UBR4: variants seen among roughly 807,000 people sequenced by gnomAD.
UBR4 encodes the protein E3 ubiquitin-protein ligase UBR4.
Under a neutral mutation model 575.6 loss-of-function variants are expected in UBR4, and 124 were observed. That is an observed-to-expected ratio of 0.22 (90% CI 0.19 to 0.25). UBR4 has a LOEUF of 0.25. UBR4 is among the 10% of genes least tolerant of loss of function. UBR4 has a pLI of 1.00. For synonymous variants in UBR4, 2,455 were observed against 2,473.7 expected (o/e 0.99, Z 0.22); for missense variants, 4,818 against 6,478.8 (o/e 0.74, Z 8.80).
rs112350725 is a variant in UBR4 at position 19,113,887 on chromosome 1, C to T, written c.11328+58G>A. ...ACCTAAGGTGATCTCACCTAGGAGG[C>T]AGTCTTCTGATCAAGACCCAAGCCC... On this transcript the variant is annotated intron_variant, in intron 76 of 105. Transcript: ENST00000375254. 16 of 1,614,172 alleles carry T rather than the reference C, an allele frequency of 9.9e-6. No homozygotes were observed. The African/African-American group carries it at 1.1e-4, about 11-fold the overall frequency.
Position 19,127,713 on chromosome 1 carries a change from G to T in UBR4, c.9138C>A (p.Ser3046Arg), listed in dbSNP as rs752560964. ...KKDVSKKNER[S>R]ALNEVHLVVM... is the part of the protein sequence containing the mutation. ...CTACCAGATGGACTTCATTCAGGGC[G>T]CTGCGCTCATTCTTCTTGGAGACAT... The change falls in exon 63 of 106, where the codon AGC (serine) becomes AGA (arginine). Residue 3046 changes from serine (S) to arginine (R), a missense_variant. Ser to Arg is a moderately radical substitution (Grantham distance 110). Transcript: ENST00000375254. 3 of 1,614,078 alleles carry T rather than the reference G, an allele frequency of 1.9e-6. No individual in the cohort carries two copies. Among genetic ancestry groups the T allele is most frequent in the Non-Finnish European group, 2.5e-6 (3 of 1,179,978 alleles).
rs565283981 is a variant in UBR4, at chr1:19,186,711, G to C, written c.1633-54C>G. The C allele has an allele frequency of 9.1e-6, 14 of 1,534,738 alleles. No individual in the cohort carries two copies. The African/African-American group carries it at 1.5e-4, about 17-fold the overall frequency. On this transcript the variant is annotated intron_variant, in intron 13 of 105. Transcript: ENST00000375254. ...GCCATCCTATTTAATCTCATGCATC[G>C]CATGAAAACTTTCTCCATAATCTCT... is the stretch of plus-strand genomic sequence containing the variant.
intron 94 of UBR4, 133 bp from the exon 95 acceptor site, chr1:19,094,272 C>T (rs2148899418): frequency 1.6e-6 from 1 of 619,446 alleles, no homozygotes; most frequent in East Asian, 2.8e-5. Flanking sequence ...TGTCTCGGCA[C>T]TTCTTGGGGA....
intron 65 of UBR4, among the ~76,000 whole-genome samples, chr1:19,123,854 T>C (rs1028670154): frequency 6.6e-6 from 1 of 152,212 alleles, no homozygotes; most frequent in Non-Finnish European, 1.5e-5. Context: ...AAAGCCATTG[T>C]CTCTCAGTTC....
At position 19,177,761 on chromosome 1, in the gene UBR4, T is replaced by C. The variant is rs1168453249; in HGVS notation, c.2355-18A>G. ...ACAAAAACCTACCAGAGAGAAAAGA[T>C]GACTATATCTGGTGGGAAAAAGAGC... On this transcript the variant is annotated intron_variant, in intron 18 of 105. Coordinates refer to ENST00000375254, the MANE Select transcript of UBR4 (RefSeq NM_020765.3). 1 of 1,606,078 alleles carries C rather than the reference T, an allele frequency of 6.2e-7. No homozygotes were observed. The highest frequency in any genetic ancestry group is 1.3e-5 in the African/African-American group (1 of 74,374).
Position 19,112,562 on chromosome 1 carries a change from C to A in UBR4, c.11763G>T (p.Met3921Ile). Reference protein sequence around the residue: ...DYNLRRGAAAMREEVRQLMCL... With the variant: ...DYNLRRGAAAIREEVRQLMCL... ...ACATGAGCTGGCGGACCTCCTCCCG[C>A]ATGGCCGCAGCCCCTCGGCGAAGAT... Residue 3921 changes from methionine to isoleucine, a missense_variant, in exon 78 of 106, where the codon ATG becomes ATT. By Grantham distance (10) the Met-to-Ile change is conservative. This residue lies in a region of UBR4 where 333 missense variants were observed against 459.2 expected (regional missense o/e 0.73). Transcript: ENST00000375254. The A allele has an allele frequency of 3.1e-6, 5 of 1,613,860 alleles. No individual in the cohort carries two copies. Among genetic ancestry groups the A allele is most frequent in the Non-Finnish European group, 4.2e-6 (5 of 1,179,822 alleles).
intron 93 of UBR4, 96 bp downstream of exon 93, chr1:19,095,449 C>A (rs2077938984): frequency 1.1e-5 from 13 of 1,165,580 alleles, no homozygotes; most frequent in Non-Finnish European, 1.5e-5. Context: ...CTTGAAGAAG[C>A]CGTGAGTCCA....
At chr1:19,177,793 C>A (rs1184473719) in intron 18 of UBR4, 50 bp from the exon 19 acceptor site, 10 of 1,578,438 alleles carry the variant, frequency 6.3e-6, no homozygotes, top group African/African-American at 4.1e-5. Flanking sequence ...GAGCATTCCC[C>A]AGGAGTTATA....
chr1:19,093,001 AC>A lies in UBR4; in HGVS notation c.14112-84del. 1 of 1,265,200 alleles carries A rather than the reference AC, an allele frequency of 7.9e-7. No individual in the cohort carries two copies. The highest frequency in any genetic ancestry group is 1.1e-6 in the Non-Finnish European group (1 of 889,476). The allele number at this position is 1,265,200 out of a possible 1,614,324, so 78.4% of individuals were successfully genotyped here. On this transcript the variant is annotated intron_variant, in intron 96 of 105. Coordinates refer to ENST00000375254, the MANE Select transcript of UBR4 (RefSeq NM_020765.3). The surrounding 1 kb of genome is among the most constrained non-coding windows in gnomAD (Gnocchi z 4.8). ...CAGTTGTTGACTCTGGCTTGTTTAA[AC>A]CCCCAGGGCATGATTAACCGTGACC...
rs1375752685 is a variant in UBR4 at position 19,140,775 on chromosome 1, T to C, written c.8593+13A>G. 3.7e-6 allele frequency: 6 copies of C among 1,611,278 alleles called. No individual in the cohort carries two copies. Among genetic ancestry groups the C allele is most frequent in the Non-Finnish European group, 5.1e-6 (6 of 1,179,334 alleles). On this transcript the variant is annotated intron_variant, in intron 58 of 105. Coordinates refer to ENST00000375254, the MANE Select transcript of UBR4 (RefSeq NM_020765.3). ...TGGGGCCCTGAGCCGTGCTCCTTGCTGTGGACAGTTACCTGATGCTGTGGT... is the reference window on the plus strand; with the variant it reads ...TGGGGCCCTGAGCCGTGCTCCTTGCCGTGGACAGTTACCTGATGCTGTGGT...
chr1:19,207,701 A>G (rs922335657), intron 1 of UBR4, among the ~76,000 whole-genome samples: 2 of 152,224 alleles, frequency 1.3e-5, no homozygotes, highest in Admixed American at 6.5e-5. Flanking sequence ...GTGTGCTCCA[A>G]GCTAGGGGTT....
rs781409592 is a variant in UBR4, at chr1:19,106,815, C to T, written c.12235+22G>A. The T allele has an allele frequency of 5.6e-6, 9 of 1,608,498 alleles. 1 individual carries two copies. Among genetic ancestry groups the T allele is most frequent in the African/African-American group, 1.3e-5 (1 of 74,814 alleles). On this transcript the variant is annotated intron_variant, in intron 82 of 105. Coordinates refer to ENST00000375254, the MANE Select transcript of UBR4 (RefSeq NM_020765.3). Reference sequence around the variant, plus strand: ...TCAGAGCGCAGGCAGGACTTCCCGGCGTCTTGAAGAGAAAGATATACCTCT... The same window carrying T: ...TCAGAGCGCAGGCAGGACTTCCCGGTGTCTTGAAGAGAAAGATATACCTCT...
chr1:19,186,268 A>C (rs2091517458), intron 14 of UBR4, among the ~76,000 whole-genome samples: 1 of 152,216 alleles, frequency 6.6e-6, no homozygotes, highest in Non-Finnish European at 1.5e-5. Context: ...AGAAATATGG[A>C]ACAATTGAGA....
At chr1:19,188,809 A>T (rs993111695) in intron 11 of UBR4, among the ~76,000 whole-genome samples, 1 of 151,998 alleles carries the variant, frequency 6.6e-6, no homozygotes, top group Non-Finnish European at 1.5e-5. Context: ...CTCTGCAAAA[A>T]ATTTTAAAAA....
chr1:19,190,308 A>AT (rs1419232433), intron 11 of UBR4, among the ~76,000 whole-genome samples: 10 of 83,920 alleles, frequency 1.2e-4, no homozygotes, highest in African/African-American at 4.1e-4. Flanking sequence ...AAAAAAAAAA[A>AT]AAAAATATAT....
Position 19,163,693 on chromosome 1 carries a change from C to T in UBR4, c.4764+71G>A, listed in dbSNP as rs1050335763. 10 of 1,528,090 alleles carry T rather than the reference C, an allele frequency of 6.5e-6. No homozygotes were observed. The Admixed American group carries it at 1.5e-4, about 23-fold the overall frequency. The allele number at this position is 1,528,090 out of a possible 1,614,324, so 94.7% of individuals were successfully genotyped here. ...CACAGAACTCAATAGGAACGAGAGACTTCCACCTGACCACAGAGGTGAGAA... is the reference window on the plus strand; with the variant it reads ...CACAGAACTCAATAGGAACGAGAGATTTCCACCTGACCACAGAGGTGAGAA... On this transcript the variant is annotated intron_variant, in intron 34 of 105. Coordinates refer to ENST00000375254, the MANE Select transcript of UBR4 (RefSeq NM_020765.3).
At chr1:19,158,365 T>C (rs1220742822) in intron 39 of UBR4, among the ~76,000 whole-genome samples, 1 of 152,226 alleles carries the variant, frequency 6.6e-6, no homozygotes, top group Non-Finnish European at 1.5e-5. Flanking sequence ...TCACTTCATC[T>C]TTAATATCTA....
At chr1:19,109,255 C>A (rs937501714) in intron 81 of UBR4, among the ~76,000 whole-genome samples, 2 of 152,250 alleles carry the variant, frequency 1.3e-5, no homozygotes, top group African/African-American at 2.4e-5. Flanking sequence ...AAAGAAAGAA[C>A]TATGGCCTCC....
Position 19,152,524 on chromosome 1 carries a change from C to G in UBR4, c.6833-48G>C. 6.2e-7 allele frequency: 1 copy of G among 1,609,094 alleles called. No individual in the cohort carries two copies. The highest frequency in any genetic ancestry group is 8.5e-7 in the Non-Finnish European group (1 of 1,177,600). On this transcript the variant is annotated intron_variant, in intron 46 of 105. Coordinates refer to ENST00000375254, the MANE Select transcript of UBR4 (RefSeq NM_020765.3). The surrounding 1 kb of genome is among the most constrained non-coding windows in gnomAD (Gnocchi z 4.4). ...GTCAAGAGTCTCTCCCACCTCTGCC[C>G]CAACACCACTGGTAAAGACTCCTCC...
Sources: gnomAD v4.1 joint callset for allele counts (sites outside exome capture counted in the v4.1 genomes callset) on GRCh38, gnomAD v4.1.1 for gene constraint, gnomAD v4.1.1 regional missense constraint, Gnocchi (gnomAD v3.1) non-coding constraint, MANE v1.5 for transcripts, NCBI Gene and HGNC (gene_info 2026-07-23, HGNC 2026-07-21) for gene names.